Variants in C3orf49 observed in about 807,000 individuals in gnomAD.
The protein encoded by C3orf49 is putative uncharacterized protein C3orf49.
A neutral mutation model predicts 13.3 loss-of-function variants in C3orf49; 27 were observed. That is an observed-to-expected ratio of 2.02 (90% CI 1.49 to 2.79). C3orf49 has a LOEUF of 2.79. Ranked by LOEUF, C3orf49 falls within the 30% of genes most tolerant of loss-of-function variation. The pLI, the probability that C3orf49 is intolerant of heterozygous loss-of-function variation, is 0.00. For missense variants in C3orf49, 242 were observed against 134.2 expected, an observed-to-expected ratio of 1.80 and a Z score of -3.97; for synonymous variants, 87 against 47.6, an observed-to-expected ratio of 1.83 and a Z score of -3.40.
the C3orf49 span, among the ~76,000 whole-genome samples, chr3:63,800,655 T>C: frequency 6.6e-6 from 1 of 152,162 alleles, no homozygotes; most frequent in Admixed American, 6.5e-5. Context: ...TTTAGAAAGA[T>C]TGAATAACTG....
At chr3:63,793,808 T>C in the C3orf49 span, among the ~76,000 whole-genome samples, 25 of 152,126 alleles carry the variant, frequency 1.6e-4, no homozygotes, top group Non-Finnish European at 1.3e-4. Context: ...GTCTGTTTCC[T>C]TCACTGTTAA....
chr3:63,844,561 A>C (rs60612895), intron 5 of C3orf49, among the ~76,000 whole-genome samples: 120 of 152,314 alleles, frequency 7.9e-4, no homozygotes, highest in African/African-American at 2.7e-3. Context: ...GGGAACCTTG[A>C]AGAGGTGACT....
chr3:63,804,700 G>A, the C3orf49 span, among the ~76,000 whole-genome samples: 1 of 152,136 alleles, frequency 6.6e-6, no homozygotes, highest in Non-Finnish European at 1.5e-5. Flanking sequence ...TGGTGCAAAT[G>A]TAATTGCCAT....
At position 63,845,021 on chromosome 3, in the gene C3orf49, A is replaced by T. The variant is rs917300712; in HGVS notation, c.850-2A>T. Reference sequence around the variant, plus strand: ...ATTTGTTGTAATTTTGTCTCTTGACAGATGACCACAAAAGGACCTGGAGAC... The same window carrying T: ...ATTTGTTGTAATTTTGTCTCTTGACTGATGACCACAAAAGGACCTGGAGAC... On this transcript the variant is annotated splice_acceptor_variant, in intron 5 of 6. Transcript: ENST00000295896. LOFTEE classifies it high-confidence loss of function. The T allele has an allele frequency of 2.9e-6, 2 of 698,618 alleles. No homozygotes were observed. Among genetic ancestry groups the T allele is most frequent in the East Asian group, 5.4e-5 (2 of 37,230 alleles). The allele number at this position is 698,618 out of a possible 1,614,324, so 43.3% of individuals were successfully genotyped here.
intron 2 of C3orf49, chr3:63,826,950 G>GAAA: frequency 7.0e-6 from 1 of 143,106 alleles, no homozygotes; most frequent in Non-Finnish European, 1.5e-5. Flanking sequence ...CTCCATCTCA[G>GAAA]AAAAAAAAAA....
At chr3:63,821,930 G>A (rs762939491) in intron 1 of C3orf49, among the ~76,000 whole-genome samples, 26 of 151,976 alleles carry the variant, frequency 1.7e-4, no homozygotes, top group Admixed American at 8.5e-4. Flanking sequence ...GTCATCATTT[G>A]GGGAAACTAG....
the C3orf49 span, chr3:63,779,734 A>T: frequency 1.3e-5 from 2 of 152,226 alleles, no homozygotes; most frequent in Admixed American, 1.3e-4. Flanking sequence ...AACCCCAAGA[A>T]ACTCAGTCTG....
intron 2 of C3orf49, among the ~76,000 whole-genome samples, chr3:63,825,857 T>C (rs1223121539): frequency 1.3e-5 from 2 of 152,178 alleles, no homozygotes; most frequent in East Asian, 1.9e-4. Context: ...CAGGATGCTA[T>C]TGAAAGAAAT....
intron 1 of C3orf49, among the ~76,000 whole-genome samples, chr3:63,820,852 A>G (rs958287893): frequency 2.0e-5 from 3 of 152,088 alleles, no homozygotes; most frequent in Non-Finnish European, 4.4e-5. Context: ...AGCACCCCCT[A>G]GAAGTCATAT....
the C3orf49 span, among the ~76,000 whole-genome samples, chr3:63,811,033 A>G: frequency 6.6e-6 from 1 of 152,126 alleles, no homozygotes; most frequent in Non-Finnish European, 1.5e-5. Context: ...TTTTCAGTAG[A>G]GATGAGATTT....
the C3orf49 span, among the ~76,000 whole-genome samples, chr3:63,787,823 C>T: frequency 6.6e-6 from 1 of 152,138 alleles, no homozygotes; most frequent in South Asian, 2.1e-4. Context: ...CAATGGCAAC[C>T]CAACTCCCAG....
At chr3:63,810,690 G>C in the C3orf49 span, among the ~76,000 whole-genome samples, 1 of 152,024 alleles carries the variant, frequency 6.6e-6, no homozygotes, top group South Asian at 2.1e-4. Flanking sequence ...ATTGATTTTA[G>C]GTTTTTCTTC....
At chr3:63,824,034 C>T (rs933194567) in intron 2 of C3orf49, among the ~76,000 whole-genome samples, 5 of 152,080 alleles carry the variant, frequency 3.3e-5, no homozygotes, top group African/African-American at 1.2e-4. Context: ...CTCCTGACTT[C>T]AGGTGATCCG....
At chr3:63,790,957 G>C in the C3orf49 span, among the ~76,000 whole-genome samples, 1 of 152,218 alleles carries the variant, frequency 6.6e-6, no homozygotes, top group African/African-American at 2.4e-5. Context: ...GCAAGCTCAG[G>C]AGTACACGTT....
the C3orf49 span, among the ~76,000 whole-genome samples, chr3:63,804,187 T>A: frequency 3.4e-4 from 52 of 152,238 alleles, no homozygotes; most frequent in African/African-American, 1.2e-3. Flanking sequence ...TGTGGCCCAG[T>A]TCCTAACAGG....
chr3:63,821,199 C>T (rs1474406139), intron 1 of C3orf49, among the ~76,000 whole-genome samples: 5 of 152,124 alleles, frequency 3.3e-5, no homozygotes, highest in Admixed American at 2.0e-4. Flanking sequence ...TAAACCAATA[C>T]CATTCAACTC....
the C3orf49 span, among the ~76,000 whole-genome samples, chr3:63,788,801 T>A: frequency 6.6e-6 from 1 of 151,672 alleles, no homozygotes; most frequent in Non-Finnish European, 1.5e-5. Flanking sequence ...AGCTAGAAAC[T>A]AACAAAGCCC....
chr3:63,787,610 G>A, the C3orf49 span, among the ~76,000 whole-genome samples: 12 of 152,214 alleles, frequency 7.9e-5, no homozygotes, highest in East Asian at 2.3e-3. Context: ...TGGAGATGGT[G>A]GTTGCTAGGC....
At chr3:63,825,637 C>T (rs922150039) in intron 2 of C3orf49, among the ~76,000 whole-genome samples, 2 of 152,212 alleles carry the variant, frequency 1.3e-5, no homozygotes, top group Non-Finnish European at 2.9e-5. Flanking sequence ...GTAGCTCAAA[C>T]ATTAATACCC....
Sources: allele counts gnomAD v4.1 joint callset (sites outside exome capture counted in the v4.1 genomes callset), GRCh38; gene constraint gnomAD v4.1.1; transcripts MANE v1.5; gene names NCBI Gene and HGNC (gene_info 2026-07-23, HGNC 2026-07-21).